Variants in OOSP4A observed in about 807,000 individuals in gnomAD.
OOSP4A encodes the protein oocyte-secreted protein 4A.
chr11:59,966,510 T>C (rs1469748339), intron 2 of OOSP4A, among the ~76,000 whole-genome samples: 1 of 151,716 alleles, frequency 6.6e-6, no homozygotes, highest in Non-Finnish European at 1.5e-5. Context: ...GGAGTCTTGC[T>C]CTGTCACCAG....
intron 1 of OOSP4A, 48 bp downstream of exon 1, chr11:59,964,147 G>A: frequency 2.9e-6 from 1 of 339,434 alleles, no homozygotes; most frequent in Non-Finnish European, 5.0e-6. Context: ...AATCAGCAGG[G>A]CTTTTTTTTT....
exon 2 of OOSP4A, chr11:59,965,628 T>C: frequency 2.5e-6 from 1 of 398,588 alleles, no homozygotes; most frequent in Non-Finnish European, 4.4e-6. Context: ...GAACTCTCTC[T>C]AGGAATTGGC....
exon 2 of OOSP4A, chr11:59,965,682 A>G (rs1454869490): frequency 2.5e-6 from 1 of 398,372 alleles, no homozygotes; most frequent in Non-Finnish European, 4.4e-6. Flanking sequence ...GGGTTCCTGT[A>G]TCTTCTAACT....
intron 1 of OOSP4A, among the ~76,000 whole-genome samples, chr11:59,964,626 A>G (rs1216225945): frequency 6.6e-6 from 1 of 152,178 alleles, no homozygotes; most frequent in Non-Finnish European, 1.5e-5. Context: ...AAATTTATCC[A>G]TGTGTAAATA....
At chr11:59,966,283 A>G (rs1163506087) in intron 2 of OOSP4A, among the ~76,000 whole-genome samples, 1 of 150,840 alleles carries the variant, frequency 6.6e-6, no homozygotes, top group East Asian at 1.9e-4. Flanking sequence ...AACTGATTCT[A>G]TTTTTGGATC....
chr11:59,964,863 G>A (rs57997715), intron 1 of OOSP4A, among the ~76,000 whole-genome samples: 7,245 of 152,078 alleles, frequency 0.048, 542 homozygotes, highest in African/African-American at 0.16. Context: ...ATTGTGTGCA[G>A]CCAAATGTAA....
rs201403201 is a variant in OOSP4A, at chr11:59,964,409, T to TA, written c.67+311dup. On this transcript the variant is annotated intron_variant, in intron 1 of 4. Transcript: ENST00000645590. ...GTTACTTTGCTGAATGTGAAATACT[T>TA]ACAGTGACTGGCAAAATCAGGAGAG... 3.7e-4 allele frequency among the ~76,000 whole-genome samples: 57 copies of TA among 152,208 alleles called. No homozygotes were observed. In the East Asian group the frequency reaches 9.3e-3, roughly 25 times the overall value.
intron 3 of OOSP4A, among the ~76,000 whole-genome samples, chr11:59,968,798 G>C (rs1854128409): frequency 1.3e-5 from 2 of 152,216 alleles, no homozygotes; most frequent in Non-Finnish European, 1.5e-5. Context: ...TAAGAACTCA[G>C]AACTGCATGC....
chr11:59,964,080 G>T, exon 1 of OOSP4A: 2 of 385,296 alleles, frequency 5.2e-6, no homozygotes, highest in South Asian at 2.6e-4. Context: ...TTTTCGAGTT[G>T]ATTCATGGTC....
intron 2 of OOSP4A, among the ~76,000 whole-genome samples, chr11:59,966,060 A>G (rs1854095217): frequency 6.6e-6 from 1 of 152,040 alleles, no homozygotes; most frequent in Non-Finnish European, 1.5e-5. Flanking sequence ...TACCACAAAT[A>G]CCCAACTCTT....
At chr11:59,970,110 G>C in exon 5 of OOSP4A, 1 of 398,124 alleles carries the variant, frequency 2.5e-6, no homozygotes, top group African/African-American at 2.1e-5. Flanking sequence ...GAACAAAGCT[G>C]TACATTCTGG....
At chr11:59,967,398 T>C (rs918760916) in intron 3 of OOSP4A, among the ~76,000 whole-genome samples, 1 of 152,186 alleles carries the variant, frequency 6.6e-6, no homozygotes, top group African/African-American at 2.4e-5. Context: ...CTACAGTCAC[T>C]AAAGAGATTA....
intron 4 of OOSP4A, among the ~76,000 whole-genome samples, chr11:59,969,586 T>C (rs147485713): frequency 2.4e-3 from 364 of 152,376 alleles, no homozygotes; most frequent in African/African-American, 8.3e-3. Context: ...AATGGGATCA[T>C]GGATTCCCGT....
chr11:59,964,887 T>C lies in OOSP4A; in HGVS notation c.68-648T>C, dbSNP rs184675637. On this transcript the variant is annotated intron_variant, in intron 1 of 4. Coordinates refer to ENST00000645590, the Ensembl canonical transcript of OOSP4A. ...AGCCAAATGTAAAGCTTTTTCTTGT[T>C]TCTCCATTTCAGATAGATATCACTT... Among the ~76,000 whole-genome samples the C allele has an allele frequency of 7.9e-5, 12 of 152,266 alleles. No homozygotes were observed. The East Asian group carries it at 2.3e-3, about 29-fold the overall frequency.
chr11:59,969,438 TTATTAGGGATA>T (rs2134587487), intron 4 of OOSP4A, among the ~76,000 whole-genome samples, 154 bp downstream of exon 4: 1 of 152,364 alleles, frequency 6.6e-6, no homozygotes, highest in East Asian at 1.9e-4. Context: ...TTTTTTATGT[TTATTAGGGATA>T]TATTTTATCT....
At chr11:59,969,105 G>A (rs1041798336) in intron 3 of OOSP4A, 45 bp from the exon 4 acceptor site, 8 of 397,684 alleles carry the variant, frequency 2.0e-5, no homozygotes, top group Non-Finnish European at 3.1e-5. Flanking sequence ...ACCTCCAAAA[G>A]CATAATATAT....
At position 59,967,110 on chromosome 11, in the gene OOSP4A, A is replaced by T. The variant is rs1207356832; in HGVS notation, c.290A>T (p.Glu97Val). 7.5e-6 allele frequency: 3 copies of T among 398,242 alleles called. No individual in the cohort carries two copies. The East Asian group carries it at 1.1e-4, about 14-fold the overall frequency. The allele number at this position is 398,242 out of a possible 1,614,324, so 24.7% of individuals were successfully genotyped here. A position where few individuals can be genotyped will look rare whatever the true frequency, so the allele number is the denominator to read the frequency against. Reference sequence around the variant, plus strand: ...CTCATTGAAAGTTTAATTGTATATGAACCAACGAATTTTGACTTCAATTTA... The same window carrying T: ...CTCATTGAAAGTTTAATTGTATATGTACCAACGAATTTTGACTTCAATTTA... The change falls in exon 3 of 5, where the codon GAA becomes GTA. Residue 97 changes from glutamate to valine, a missense_variant. Transcript: ENST00000645590.
downstream of OOSP4A, chr11:59,970,186 T>C (rs1854140511): frequency 2.5e-6 from 1 of 397,524 alleles, no homozygotes; most frequent in Non-Finnish European, 4.4e-6. Context: ...CTTTTAGAAG[T>C]TGGACTAGTC....
intron 3 of OOSP4A, among the ~76,000 whole-genome samples, chr11:59,968,303 G>A (rs977973729): frequency 5.9e-5 from 9 of 152,156 alleles, no homozygotes; most frequent in African/African-American, 1.4e-4. Flanking sequence ...AATTATGGAT[G>A]TGTGAGTTTT....
Sources: allele counts gnomAD v4.1 joint callset (sites outside exome capture counted in the v4.1 genomes callset), GRCh38; gene constraint gnomAD v4.1.1; transcripts MANE v1.5; gene names NCBI Gene and HGNC (gene_info 2026-07-23, HGNC 2026-07-21).